CCT2: variants seen among roughly 807,000 people sequenced by gnomAD.
The protein encoded by CCT2 is T-complex protein 1 subunit beta.
A neutral mutation model predicts 61.8 loss-of-function variants in CCT2; 18 were observed. The ratio of observed to expected loss-of-function variants is 0.29; its 90% confidence interval spans 0.20 to 0.43. The LOEUF is 0.43. Ranked by LOEUF, CCT2 falls within the 20% of genes least tolerant of loss-of-function variation. CCT2 has a pLI of 1.00. For missense variants in CCT2, 556 were observed against 656.9 expected (o/e 0.85, Z 1.68); for synonymous variants, 248 against 215.9 (o/e 1.15, Z -1.30).
intron 2 of CCT2, 61 bp downstream of exon 2, chr12:69,586,405 C>A: frequency 1.7e-6 from 2 of 1,189,600 alleles, no homozygotes; most frequent in Non-Finnish European, 2.5e-6. Flanking sequence ...CGGTGGCTTA[C>A]TCCTGTAATC....
At chr12:69,595,410 C>T (rs568790997) in intron 10 of CCT2, among the ~76,000 whole-genome samples, 5 of 152,068 alleles carry the variant, frequency 3.3e-5, no homozygotes, top group South Asian at 2.1e-4. Context: ...TGTAAGAGGC[C>T]GGGTGTGGTG....
At chr12:69,597,022 C>A (rs1593100792) in intron 10 of CCT2, 134 bp from the exon 11 acceptor site, 4 of 668,442 alleles carry the variant, frequency 6.0e-6, no homozygotes, top group Non-Finnish European at 7.4e-6. Context: ...AAAAAGAGTG[C>A]CAGGAATATA....
Position 69,597,949 on chromosome 12 carries a change from T to C in CCT2, c.1232-19T>C. 1 of 1,595,710 alleles carries C rather than the reference T, an allele frequency of 6.3e-7. No individual in the cohort carries two copies. Among genetic ancestry groups the C allele is most frequent in the South Asian group, 1.1e-5 (1 of 89,904 alleles). The stretch of plus-strand genomic sequence containing the variant: ...GACAACTAAGCATTGCAATATTTTA[T>C]TGGAATTTTAATCTTTAGGCTGTTC... On this transcript the variant is annotated intron_variant, in intron 12 of 15. Transcript: ENST00000299300.
chr12:69,589,856 T>C (rs1881782134), intron 7 of CCT2, 169 bp downstream of exon 7: 1 of 604,374 alleles, frequency 1.7e-6, no homozygotes, highest in Admixed American at 3.0e-5. Context: ...GTACTCCTCT[T>C]CCCGCGCTAT....
intron 1 of CCT2, 132 bp downstream of exon 1, chr12:69,585,656 C>G (rs1881624260): frequency 6.5e-7 from 1 of 1,534,168 alleles, no homozygotes; most frequent in Non-Finnish European, 8.8e-7. Context: ...TGGTGCGAGC[C>G]ATGCGCGGGG....
intron 1 of CCT2, chr12:69,586,023 A>C (rs1045536403): frequency 2.9e-6 from 4 of 1,371,534 alleles, no homozygotes; most frequent in African/African-American, 3.0e-5. Flanking sequence ...CGTAACTGTC[A>C]ATCTCGCTGG....
chr12:69,585,874 G>C, intron 1 of CCT2: 1 of 1,294,566 alleles, frequency 7.7e-7, no homozygotes, highest in East Asian at 3.4e-5. Context: ...TGAGCCATCA[G>C]AGGGTGGAGG....
chr12:69,596,709 G>A (rs901588008), intron 10 of CCT2, among the ~76,000 whole-genome samples: 1 of 152,180 alleles, frequency 6.6e-6, no homozygotes, highest in East Asian at 1.9e-4. Context: ...GCTGGGAATT[G>A]TATCATGAGG....
Position 69,586,698 on chromosome 12 carries a change from C to T in CCT2, c.79-55C>T, listed in dbSNP as rs138560536. 898 of 1,190,292 alleles carry T rather than the reference C, an allele frequency of 7.5e-4. 6 individuals are homozygous for T. The African/African-American group carries it at 0.012, about 16-fold the overall frequency. 73.7% of individuals were successfully genotyped at this position (1,190,292 alleles called of 1,614,324 possible). Reference sequence around the variant, plus strand: ...AAAAAAAAAGTAAATAAAGATAAAACTGTACTTGAAGACTGTAAAGTTGAT... The same window carrying T: ...AAAAAAAAAGTAAATAAAGATAAAATTGTACTTGAAGACTGTAAAGTTGAT... On this transcript the variant is annotated intron_variant, in intron 2 of 15. Transcript: ENST00000299300.
In CCT2 at chr12:69,586,762, A is replaced by G; in HGVS notation, c.88A>G (p.Ile30Val). The G allele has an allele frequency of 6.3e-7, 1 of 1,599,166 alleles. No individual in the cohort carries two copies. Among genetic ancestry groups the G allele is most frequent in the Non-Finnish European group, 8.5e-7 (1 of 1,174,214 alleles). ...RAETARLTSF[I>V]GAIAIGDLVK... ...TTGGTTTTTACTCCAGACTTCTTTT[A>G]TTGGTGCCATCGCCATTGGAGACTT... Residue 30 changes from isoleucine (I) to valine (V), a missense_variant, in exon 3 of 16, where the codon ATT becomes GTT. Physicochemically the swap from Ile to Val is conservative, Grantham distance 29. Transcript: ENST00000299300.
In CCT2 at chr12:69,589,670, A is replaced by G. The variant is rs149575738; in HGVS notation, c.632A>G (p.Asp211Gly). The G allele has an allele frequency of 4.0e-4, 644 of 1,612,496 alleles. 1 individual carries two copies. The highest frequency in any genetic ancestry group is 5.1e-4 in the Non-Finnish European group (596 of 1,179,714). Residue 211 changes from aspartate (D) to glycine (G), a missense_variant, in exon 7 of 16, where the codon GAT becomes GGT. Transcript: ENST00000299300. ...IIKKLGGSLA[D>G]SYLDEGFLLD... is the part of the protein sequence containing the mutation. ...AAGAAGCTAGGAGGAAGTTTGGCAG[A>G]TTCCTATTTAGATGAAGGTATGTAT... is the stretch of plus-strand genomic sequence containing the variant.
At chr12:69,588,073 A>G (rs1881716709) in intron 5 of CCT2, 67 bp downstream of exon 5, 3 of 1,529,504 alleles carry the variant, frequency 2.0e-6, no homozygotes, top group East Asian at 2.3e-5. Flanking sequence ...TCTAGTCCTT[A>G]CTTCCTCTGT....
rs1882032586 is a variant in CCT2, at chr12:69,597,738, A to G, written c.1203A>G (p.Val401=). ...CTCTTTGTGTTCTTGCGCAAACTGT[A>G]AAGGACTCTAGAACAGTTTATGGAG... ...HDALCVLAQT[V]KDSRTVYGGG... The change falls in exon 12 of 16, where the codon GTA becomes GTG. Residue 401 remains valine, a synonymous_variant. Transcript: ENST00000299300. 1 of 1,613,428 alleles carries G rather than the reference A, an allele frequency of 6.2e-7. No homozygotes were observed. The highest frequency in any genetic ancestry group is 1.3e-5 in the African/African-American group (1 of 75,060).
chr12:69,586,155 T>C (rs1881647283), intron 1 of CCT2, 115 bp from the exon 2 acceptor site: 1 of 1,127,618 alleles, frequency 8.9e-7, no homozygotes, highest in Non-Finnish European at 1.3e-6. Context: ...TTGAAAACAT[T>C]GTTGTAAATG....
At position 69,594,555 on chromosome 12, in the gene CCT2, A is replaced by C. The variant is rs184907813; in HGVS notation, c.982+942A>C. 1.0e-3 allele frequency among the ~76,000 whole-genome samples: 159 copies of C among 152,326 alleles called. 1 individual carries two copies. Among genetic ancestry groups the C allele is most frequent in the African/African-American group, 3.2e-3 (133 of 41,594 alleles). On this transcript the variant is annotated intron_variant, in intron 10 of 15. Transcript: ENST00000299300. ...TTATAAATCAGACATGTCTGTCTAC[A>C]TCACAATGACATGAGTTCAGGCTGG...
chr12:69,588,560 C>G (rs1719714740), intron 6 of CCT2: 8 of 231,944 alleles, frequency 3.4e-5, no homozygotes, highest in Non-Finnish European at 5.0e-5. Context: ...TTTTGGATGT[C>G]AATTTTCTGT....
intron 6 of CCT2, 182 bp from the exon 7 acceptor site, chr12:69,589,303 C>A (rs1226084408): frequency 5.1e-6 from 3 of 585,838 alleles, no homozygotes; most frequent in African/African-American, 1.9e-5. Flanking sequence ...GGCATTTTGC[C>A]AGTTTGGTGG....
At chr12:69,590,797 A>G (rs1225255341) in intron 7 of CCT2, among the ~76,000 whole-genome samples, 2 of 151,136 alleles carry the variant, frequency 1.3e-5, no homozygotes, top group Non-Finnish European at 2.9e-5. Flanking sequence ...CCTCACTGCA[A>G]CCACTGCCTC....
chr12:69,598,538 T>C, intron 14 of CCT2, 117 bp downstream of exon 14: 1 of 523,564 alleles, frequency 1.9e-6, no homozygotes, highest in Non-Finnish European at 3.3e-6. Context: ...TCTTTTGGAC[T>C]TTGTCCTCAT....
Sources: allele counts gnomAD v4.1 joint callset (sites outside exome capture counted in the v4.1 genomes callset), GRCh38; gene constraint gnomAD v4.1.1; transcripts MANE v1.5; gene names NCBI Gene and HGNC (gene_info 2026-07-23, HGNC 2026-07-21).